NEK5: variants seen among roughly 807,000 people sequenced by gnomAD.
NEK5 encodes the protein serine/threonine-protein kinase Nek5.
NEK5 carries 88 observed loss-of-function variants against 109.2 expected under a neutral mutation model. The observed-to-expected ratio is 0.81, with a 90% confidence interval of 0.68 to 0.96. NEK5 has a LOEUF of 0.96. Ranked by LOEUF, NEK5 falls within the 40% of genes least tolerant of loss-of-function variation. The pLI is 0.00. For missense variants in NEK5, 834 were observed against 920.7 expected (o/e 0.91, Z 1.22); for synonymous variants, 283 against 299.9 (o/e 0.94, Z 0.58).
At chr13:52,090,830 C>T (rs530413888) in intron 13 of NEK5, among the ~76,000 whole-genome samples, 1 of 152,206 alleles carries the variant, frequency 6.6e-6, no homozygotes, top group South Asian at 2.1e-4. Context: ...TTGAGACCCT[C>T]CTGGCTGACA....
At chr13:52,106,731 C>T (rs189993546) in intron 8 of NEK5, among the ~76,000 whole-genome samples, 259 of 151,684 alleles carry the variant, frequency 1.7e-3, no homozygotes, top group African/African-American at 5.8e-3. Flanking sequence ...CACACCACTG[C>T]ACTCCAGCCT....
chr13:52,041,296 G>A (rs895914804), intron 23 of NEK5, among the ~76,000 whole-genome samples: 4 of 152,006 alleles, frequency 2.6e-5, no homozygotes, highest in African/African-American at 7.2e-5. Context: ...CTAAAGCAAA[G>A]CATTTAAATT....
At chr13:52,099,114 C>T (rs1267474251) in intron 12 of NEK5, among the ~76,000 whole-genome samples, 1 of 152,004 alleles carries the variant, frequency 6.6e-6, no homozygotes, top group Non-Finnish European at 1.5e-5. Context: ...GGACAAACAC[C>T]CTATTCTCCA....
chr13:52,086,440 A>T (rs1955145250), intron 15 of NEK5, 77 bp from the exon 16 acceptor site: 7 of 881,800 alleles, frequency 7.9e-6, no homozygotes. Context: ...GCAGCCTACA[A>T]TTTCAAAAGT....
At chr13:52,042,912 G>C (rs1025816398) in intron 23 of NEK5, among the ~76,000 whole-genome samples, 2 of 151,796 alleles carry the variant, frequency 1.3e-5, no homozygotes, top group South Asian at 4.2e-4. Context: ...AACCAAAATG[G>C]TATGGTAGAG....
At chr13:52,071,846 G>GT (rs1954789366) in intron 20 of NEK5, 98 bp downstream of exon 20, 1 of 1,060,038 alleles carries the variant, frequency 9.4e-7, no homozygotes, top group South Asian at 1.3e-5. Flanking sequence ...AAGGGGTCAA[G>GT]TAACAGTGGA....
At chr13:52,105,341 A>G (rs1955630261) in intron 8 of NEK5, among the ~76,000 whole-genome samples, 1 of 152,014 alleles carries the variant, frequency 6.6e-6, no homozygotes, top group Non-Finnish European at 1.5e-5. Context: ...AGTAAGTACA[A>G]TAGACGGTAA....
chr13:52,056,282 C>T (rs1326781393), intron 22 of NEK5, among the ~76,000 whole-genome samples: 10 of 151,956 alleles, frequency 6.6e-5, no homozygotes, highest in Non-Finnish European at 1.2e-4. Context: ...TACAGGAGCA[C>T]CCAGATTCAT....
At chr13:52,094,657 G>A (rs552851221) in intron 12 of NEK5, among the ~76,000 whole-genome samples, 1 of 152,190 alleles carries the variant, frequency 6.6e-6, no homozygotes, top group African/African-American at 2.4e-5. Context: ...CGTGATGGCG[G>A]GTGCCTATAG....
chr13:52,054,477 C>T (rs1954535276), intron 22 of NEK5, among the ~76,000 whole-genome samples: 1 of 152,196 alleles, frequency 6.6e-6, no homozygotes, highest in Non-Finnish European at 1.5e-5. Context: ...TGAGCCTGGC[C>T]AGGTAGAAGT....
At chr13:52,046,181 A>T (rs1047817500) in intron 23 of NEK5, among the ~76,000 whole-genome samples, 8 of 151,886 alleles carry the variant, frequency 5.3e-5, no homozygotes, top group Non-Finnish European at 1.0e-4. Context: ...ATATATTTTT[A>T]AAATCCTGGG....
At chr13:52,089,042 G>T (rs1955216480) in intron 14 of NEK5, among the ~76,000 whole-genome samples, 1 of 151,792 alleles carries the variant, frequency 6.6e-6, no homozygotes, top group African/African-American at 2.4e-5. Context: ...AGTGAGCCAA[G>T]ATCACACCAC....
At position 52,067,367 on chromosome 13, in the gene NEK5, A is replaced by G. The variant is rs534162608; in HGVS notation, c.1850-1758T>C. 2.8e-4 allele frequency among the ~76,000 whole-genome samples: 43 copies of G among 152,336 alleles called. 1 individual carries two copies. The South Asian group carries it at 8.9e-3, about 32-fold the overall frequency. ...TCAGAATTCTTTCAAACAAAAGAAC[A>G]GTCTGAAAAATCAAGCTGCAGACAC... On this transcript the variant is annotated intron_variant, in intron 20 of 23. Transcript: ENST00000684899.
chr13:52,059,281 A>G (rs1954590150), intron 22 of NEK5, among the ~76,000 whole-genome samples: 11 of 30,478 alleles, frequency 3.6e-4, no homozygotes, highest in South Asian at 9.8e-4. Context: ...TTAGAATGGC[A>G]ATCATTAAAA....
At chr13:52,051,293 A>G (rs898636373) in intron 22 of NEK5, among the ~76,000 whole-genome samples, 2 of 151,918 alleles carry the variant, frequency 1.3e-5, no homozygotes, top group Admixed American at 1.3e-4. Flanking sequence ...ATTGGCTCCT[A>G]TATGACTTGT....
At position 52,099,598 on chromosome 13, in the gene NEK5, A is replaced by T. The variant is rs1955487354; in HGVS notation, c.1026+145T>A. ...GGCAGAAGAATTGCTTGAACCCGGG[A>T]GGTGGAGTTTGCGGTGAGCCGAGAT... On this transcript the variant is annotated intron_variant, in intron 12 of 23. Coordinates refer to ENST00000684899, the MANE Select transcript of NEK5 (RefSeq NM_001365552.1). The T allele has an allele frequency of 7.0e-6, 5 of 716,516 alleles. No homozygotes were observed. The Admixed American group carries it at 8.5e-5, about 12-fold the overall frequency. The allele number at this position is 716,516 out of a possible 1,614,324, so 44.4% of individuals were successfully genotyped here.
chr13:52,083,703 A>C (rs921156025), intron 16 of NEK5, among the ~76,000 whole-genome samples: 1 of 151,938 alleles, frequency 6.6e-6, no homozygotes, highest in African/African-American at 2.4e-5. Context: ...CGCCTGGCTA[A>C]TTTTTTGTCT....
intron 22 of NEK5, among the ~76,000 whole-genome samples, chr13:52,055,375 G>T (rs1954545263): frequency 6.6e-6 from 1 of 152,156 alleles, no homozygotes; most frequent in Non-Finnish European, 1.5e-5. Flanking sequence ...AAAACACTCT[G>T]CAGGATATTA....
At position 52,057,618 on chromosome 13, in the gene NEK5, A is replaced by T. The variant is rs1211515432; in HGVS notation, c.2110+4201T>A. Among the ~76,000 whole-genome samples the T allele has an allele frequency of 1.5e-4, 22 of 151,594 alleles. No individual in the cohort carries two copies. In the South Asian group the frequency reaches 3.8e-3, roughly 26 times the overall value. On this transcript the variant is annotated intron_variant, in intron 22 of 23. Transcript: ENST00000684899. ...ATCCACCATGATCAAGTGGGCTTCAACCCTGGGATGCAAGGCTGGTTCAAT... is the reference window on the plus strand; with the variant it reads ...ATCCACCATGATCAAGTGGGCTTCATCCCTGGGATGCAAGGCTGGTTCAAT...
Sources: gnomAD v4.1 joint callset for allele counts (sites outside exome capture counted in the v4.1 genomes callset) on GRCh38, gnomAD v4.1.1 for gene constraint, MANE v1.5 for transcripts, NCBI Gene and HGNC (gene_info 2026-07-23, HGNC 2026-07-21) for gene names.